Variants in SLC3A1 observed in about 807,000 individuals in gnomAD.
SLC3A1 encodes solute carrier family 3 member 1.
A neutral mutation model predicts 60.3 loss-of-function variants in SLC3A1; 78 were observed. The observed-to-expected ratio is 1.29, with a 90% CI of 1.08 to 1.56. The LOEUF (loss-of-function observed/expected upper bound fraction) is 1.56. Ranked by LOEUF, SLC3A1 falls within the 40% of genes most tolerant of loss-of-function variation. The pLI is 0.00. For synonymous variants in SLC3A1, 392 were observed against 307.9 expected (o/e 1.27, Z -2.86); for missense variants, 1,172 against 858.9 (o/e 1.36, Z -4.56).
intron 4 of SLC3A1, among the ~76,000 whole-genome samples, chr2:44,299,080 C>T (rs1464654284): frequency 1.3e-5 from 2 of 148,968 alleles, no homozygotes; most frequent in African/African-American, 2.5e-5. Context: ...CTCTTGTTGC[C>T]CAGGCTGGAG....
intron 7 of SLC3A1, among the ~76,000 whole-genome samples, chr2:44,307,507 T>A (rs1309065365): frequency 6.6e-6 from 1 of 152,050 alleles, no homozygotes. Context: ...AGCCTTGTGA[T>A]GGTCTGCCTT....
chr2:44,295,215 C>G (rs866478233), intron 4 of SLC3A1, among the ~76,000 whole-genome samples: 17 of 152,312 alleles, frequency 1.1e-4, no homozygotes, highest in Admixed American at 3.3e-4. Flanking sequence ...GACTTGCTTT[C>G]TTTTCACTCA....
At chr2:44,285,961 G>A (rs961696776) in intron 3 of SLC3A1, 71 bp from the exon 4 acceptor site, 2 of 1,568,726 alleles carry the variant, frequency 1.3e-6, no homozygotes, top group Non-Finnish European at 8.8e-7. Context: ...AAGGATCAGG[G>A]AGGGCAATGA....
intron 6 of SLC3A1, among the ~76,000 whole-genome samples, chr2:44,303,388 C>G (rs1303830817): frequency 6.6e-6 from 1 of 151,228 alleles, no homozygotes; most frequent in East Asian, 2.0e-4. Flanking sequence ...GGATTACAGG[C>G]GCATATCACC....
At chr2:44,277,937 G>A (rs912351015) in intron 1 of SLC3A1, among the ~76,000 whole-genome samples, 3 of 152,096 alleles carry the variant, frequency 2.0e-5, no homozygotes, top group African/African-American at 7.2e-5. Flanking sequence ...TCTGGTTTTG[G>A]TGATTGCCCT....
intron 4 of SLC3A1, among the ~76,000 whole-genome samples, chr2:44,298,971 C>G (rs1306672649): frequency 6.6e-6 from 1 of 150,970 alleles, no homozygotes; most frequent in Non-Finnish European, 1.5e-5. Flanking sequence ...TTTAGCTTAA[C>G]CATTTGTGTT....
At chr2:44,277,419 G>A (rs73924294) in intron 1 of SLC3A1, among the ~76,000 whole-genome samples, 4,727 of 152,080 alleles carry the variant, frequency 0.031, 253 homozygotes, top group African/African-American at 0.11. Flanking sequence ...TATCATTCTC[G>A]TTTTAAAAAT....
chr2:44,318,157 C>T (rs539352313), intron 9 of SLC3A1: 6 of 434,130 alleles, frequency 1.4e-5, no homozygotes, highest in Admixed American at 1.0e-4. Context: ...GTGGCGTGAT[C>T]TCGGCACACT....
At chr2:44,303,388 C>T (rs1303830817) in intron 6 of SLC3A1, among the ~76,000 whole-genome samples, 3 of 151,228 alleles carry the variant, frequency 2.0e-5, no homozygotes, top group South Asian at 2.1e-4. Flanking sequence ...GGATTACAGG[C>T]GCATATCACC....
At chr2:44,294,666 G>T (rs1558459554) in intron 4 of SLC3A1, among the ~76,000 whole-genome samples, 1 of 152,138 alleles carries the variant, frequency 6.6e-6, no homozygotes, top group Admixed American at 6.5e-5. Flanking sequence ...GAGCTGGGTT[G>T]TACCCAGAGG....
intron 4 of SLC3A1, among the ~76,000 whole-genome samples, chr2:44,299,223 G>C (rs1671937060): frequency 6.6e-6 from 1 of 151,884 alleles, no homozygotes; most frequent in Non-Finnish European, 1.5e-5. Flanking sequence ...ATTTTTAGTA[G>C]AGACAGGGTT....
intron 3 of SLC3A1, among the ~76,000 whole-genome samples, chr2:44,282,790 T>C (rs1671529876): frequency 6.6e-6 from 1 of 152,096 alleles, no homozygotes; most frequent in African/African-American, 2.4e-5. Flanking sequence ...CCCAAGTAGC[T>C]GGGACCACAA....
chr2:44,287,030 A>G (rs776716084), intron 4 of SLC3A1, among the ~76,000 whole-genome samples: 4 of 152,164 alleles, frequency 2.6e-5, no homozygotes, highest in Non-Finnish European at 4.4e-5. Context: ...GAGATAACAC[A>G]TGCACGACAC....
rs1301533861 is a variant in SLC3A1 at position 44,301,309 on chromosome 2, T to C, written c.1136+182T>C. On this transcript the variant is annotated intron_variant, in intron 6 of 9. Coordinates refer to ENST00000260649, the MANE Select transcript of SLC3A1 (RefSeq NM_000341.4). ...TTCCTTTCCTGTTTGCTTATTTTGC[T>C]GACTTTCAGTTTCCTCTTTTGTAAA... 3 of 759,946 alleles carry C rather than the reference T, an allele frequency of 3.9e-6. No individual in the cohort carries two copies. In the Admixed American group the frequency reaches 6.3e-5, roughly 16 times the overall value. 47.1% of individuals were successfully genotyped at this position (759,946 alleles called of 1,614,324 possible).
chr2:44,314,147 C>G, intron 9 of SLC3A1, 196 bp downstream of exon 9: 1 of 1,325,786 alleles, frequency 7.5e-7, no homozygotes, highest in Non-Finnish European at 1.0e-6. Context: ...TACAAATCTA[C>G]CAAGTGAAGT....
chr2:44,276,015 A>C (rs750223790), intron 1 of SLC3A1, 50 bp downstream of exon 1: 2 of 1,566,724 alleles, frequency 1.3e-6, no homozygotes, highest in Non-Finnish European at 1.8e-6. Flanking sequence ...AGATTGGTTT[A>C]TGGTTCTTTT....
In SLC3A1 at chr2:44,312,688, T is replaced by C. The variant is rs1288965422; in HGVS notation, c.1435T>C (p.Tyr479His). Residue 479 changes from tyrosine (Y) to histidine (H), a missense_variant, in exon 8 of 10, where the codon TAC becomes CAC. Transcript: ENST00000260649. ...LFTLPGTPIT[Y>H]YGEEIGMGNI... Reference sequence around the variant, plus strand: ...CACACTCCCTGGAACTCCTATAACTTACTATGGAGAAGAAATTGGAATGGG... The same window carrying C: ...CACACTCCCTGGAACTCCTATAACTCACTATGGAGAAGAAATTGGAATGGG... 6.2e-7 allele frequency: 1 copy of C among 1,613,210 alleles called. No individual in the cohort carries two copies. The highest frequency in any genetic ancestry group is 1.7e-5 in the Admixed American group (1 of 59,998).
intron 4 of SLC3A1, among the ~76,000 whole-genome samples, chr2:44,298,811 T>C (rs1390090376): frequency 1.3e-5 from 2 of 152,136 alleles, no homozygotes; most frequent in Non-Finnish European, 2.9e-5. Context: ...AGGCAATGAC[T>C]ACCTTCTCTC....
chr2:44,284,652 T>C (rs915381714), intron 3 of SLC3A1, among the ~76,000 whole-genome samples: 2 of 152,116 alleles, frequency 1.3e-5, no homozygotes, highest in South Asian at 2.1e-4. Context: ...AGTCTCGAGC[T>C]CCTAGGCTCA....
Sources: allele counts gnomAD v4.1 joint callset (sites outside exome capture counted in the v4.1 genomes callset), GRCh38; gene constraint gnomAD v4.1.1; transcripts MANE v1.5; gene names NCBI Gene and HGNC (gene_info 2026-07-23, HGNC 2026-07-21).